The following CAPN8 variants were observed in gnomAD, a reference collection of about 807,000 sequenced individuals.
The protein encoded by CAPN8 is calpain-8.
In CAPN8, 87 loss-of-function variants were observed where a neutral mutation model predicts 80.9. The observed-to-expected ratio is 1.07, with a 90% CI of 0.90 to 1.28. The LOEUF is 1.28. CAPN8 is among the 50% of genes most tolerant of loss of function. CAPN8 has a pLI of 0.00. For missense variants in CAPN8, 757 were observed against 702.0 expected, an observed-to-expected ratio of 1.08 and a Z score of -0.89; for synonymous variants, 299 against 273.8, an observed-to-expected ratio of 1.09 and a Z score of -0.91.
rs61823553 is a variant in CAPN8 at position 223,545,289 on chromosome 1, G to A, written c.1775C>T (p.Thr592Met). 0.52 allele frequency: 807,533 copies of A among 1,550,914 alleles called. 213,191 individuals carry two copies. The highest frequency in any genetic ancestry group is 0.59 in the Admixed American group (30,236 of 50,982). ...EMISLLDSNG[T>M]GTLGAVEFKT... ...GAATTCCACCGCCCCCAAAGTGCCC[G>A]TTCCATTGCTCTAGGCACATTAAAG... Residue 592 changes from threonine (T) to methionine (M), a missense_variant, in exon 17 of 21, where the codon ACG becomes ATG. Physicochemically the swap from Thr to Met is moderately conservative, Grantham distance 81 (BLOSUM62 -1). Coordinates refer to ENST00000366872, the MANE Select transcript of CAPN8 (RefSeq NM_001143962.2).
Position 223,558,131 on chromosome 1 carries a change from C to G in CAPN8, c.1572G>C (p.Glu524Asp), listed in dbSNP as rs1656946963. ...TTTGGCATACAAAAAGATTGCATAC[C>G]TCATATGGGTTTCCAGCTACCACAT... Reference protein sequence around the residue: ...IGDVVAGNPYEPHPSEVDQED... With the variant: ...IGDVVAGNPYDPHPSEVDQED... Residue 524 changes from glutamate (E) to aspartate (D), a missense_variant and splice_region_variant, in exon 13 of 21, where the codon GAG (glutamate) becomes GAC (aspartate). Coordinates refer to ENST00000366872, the MANE Select transcript of CAPN8 (RefSeq NM_001143962.2). 5 of 398,456 alleles carry G rather than the reference C, an allele frequency of 1.3e-5. No homozygotes were observed. The highest frequency in any genetic ancestry group is 4.4e-5 in the Admixed American group (1 of 22,722). 24.7% of individuals were successfully genotyped at this position (398,456 alleles called of 1,614,324 possible). A position where few individuals can be genotyped will look rare whatever the true frequency, so the allele number is the denominator to read the frequency against.
rs1010109285 is a variant in CAPN8, at chr1:223,609,236, G to A, written c.1452C>T (p.Tyr484=). 23 of 398,386 alleles carry A rather than the reference G, an allele frequency of 5.8e-5. No homozygotes were observed. The highest frequency in any genetic ancestry group is 4.3e-4 in the African/African-American group (21 of 48,572). The allele number at this position is 398,386 out of a possible 1,614,324, so 24.7% of individuals were successfully genotyped here. The change falls in exon 12 of 21, where the codon TAC becomes TAT. Residue 484 remains tyrosine (Y), a synonymous_variant. Transcript: ENST00000366872. The part of the protein sequence containing the change: ...SGRARLPPGE[Y]LVVPSTFEPF... ...GTTCAAATGTGGATGGCACCACCAG[G>A]TACTCCCCAGGGGGCAGCCGGGCCC...
chr1:223,543,469 T>C (rs1215325589), intron 19 of CAPN8, among the ~76,000 whole-genome samples: 1 of 152,212 alleles, frequency 6.6e-6, no homozygotes, highest in Admixed American at 6.5e-5. Context: ...AATTACTTTA[T>C]CAAGGTCAAA....
chr1:223,626,950 T>A (rs1410535416), intron 5 of CAPN8, 39 bp downstream of exon 5: 6 of 1,537,000 alleles, frequency 3.9e-6, no homozygotes, highest in Non-Finnish European at 5.3e-6. Flanking sequence ...GGGGTGGCGG[T>A]GGGGGGAGGT....
chr1:223,552,204 A>G (rs966447028), intron 14 of CAPN8, among the ~76,000 whole-genome samples: 7 of 152,186 alleles, frequency 4.6e-5, no homozygotes, highest in African/African-American at 1.4e-4. Context: ...AGCTGCACAA[A>G]GCAGTGTCTC....
chr1:223,619,394 G>A lies in CAPN8; in HGVS notation c.1034C>T (p.Pro345Leu), dbSNP rs1259630222. The A allele has an allele frequency of 1.2e-5, 18 of 1,551,506 alleles. No homozygotes were observed. The South Asian group carries it at 1.3e-4, about 11-fold the overall frequency. Residue 345 changes from proline (P) to leucine (L), a missense_variant, in exon 9 of 21, where the codon CCG becomes CTG. By Grantham distance (98) the Pro-to-Leu change is moderately conservative (BLOSUM62 -3). Transcript: ENST00000366872. ...CACCTCCTCGCTACTCAGAGAGTCC[G>A]GGGACAGGTTGCAGATCTCCAACCG... ...FSRLEICNLS[P>L]DSLSSEEVHK...
At chr1:223,648,928 C>T (rs1167840026) in intron 2 of CAPN8, among the ~76,000 whole-genome samples, 1 of 152,004 alleles carries the variant, frequency 6.6e-6, no homozygotes, top group African/African-American at 2.4e-5. Context: ...CTTATCAAAC[C>T]CTTAAGGTAA....
intron 13 of CAPN8, among the ~76,000 whole-genome samples, chr1:223,554,311 C>T (rs1656859748): frequency 6.6e-6 from 1 of 152,178 alleles, no homozygotes; most frequent in African/African-American, 2.4e-5. Context: ...TGCGTGAAAA[C>T]ATGGGGTCAT....
At chr1:223,662,818 G>A (rs1661006866) in intron 1 of CAPN8, among the ~76,000 whole-genome samples, 1 of 152,198 alleles carries the variant, frequency 6.6e-6, no homozygotes, top group Non-Finnish European at 1.5e-5. Flanking sequence ...TTAGGATCAG[G>A]CTAATTTTCT....
rs1200076626 is a variant in CAPN8 at position 223,656,046 on chromosome 1, G to T, written c.238-1647C>A. Among the ~76,000 whole-genome samples the T allele has an allele frequency of 3.3e-5, 5 of 152,140 alleles. No homozygotes were observed. In the East Asian group the frequency reaches 9.6e-4, roughly 29 times the overall value. ...GGGTCTGGATGAAGCTGGCAGTGGG[G>T]ATTCTGGGATTCTGCTGTGTGAGGT... On this transcript the variant is annotated intron_variant, in intron 1 of 20. Transcript: ENST00000366872.
chr1:223,637,361 G>C (rs993037853), intron 2 of CAPN8, among the ~76,000 whole-genome samples: 9 of 152,042 alleles, frequency 5.9e-5, no homozygotes, highest in Non-Finnish European at 1.3e-4. Flanking sequence ...TACCAGCCCT[G>C]GTAACGCCTG....
Position 223,553,079 on chromosome 1 carries a change from C to T in CAPN8, c.1641+753G>A, listed in dbSNP as rs938403533. 0.01 allele frequency among the ~76,000 whole-genome samples: 1,482 copies of T among 145,950 alleles called. 101 individuals carry two copies. The East Asian group carries it at 0.16, about 16-fold the overall frequency. Reference sequence around the variant, plus strand: ...GTCTAGAAAGTCACCCTGAGTTTCCCGGGGTGGTGGGGGGAGACCATTGTT... The same window carrying T: ...GTCTAGAAAGTCACCCTGAGTTTCCTGGGGTGGTGGGGGGAGACCATTGTT... On this transcript the variant is annotated intron_variant, in intron 14 of 20. Transcript: ENST00000366872.
chr1:223,629,027 T>C (rs538860163), intron 2 of CAPN8: 7 of 490,764 alleles, frequency 1.4e-5, no homozygotes, highest in African/African-American at 3.9e-5. Context: ...CACATGCTGA[T>C]CATTTCCCCA....
rs573198145 is a variant in CAPN8, at chr1:223,665,363, G to A, written c.237+47C>T. The A allele has an allele frequency of 1.4e-5, 20 of 1,462,804 alleles. No individual in the cohort carries two copies. In the East Asian group the frequency reaches 3.7e-4, roughly 27 times the overall value. The allele number at this position is 1,462,804 out of a possible 1,614,324, so 90.6% of individuals were successfully genotyped here. A position where few individuals can be genotyped will look rare whatever the true frequency, so the allele number is the denominator to read the frequency against. ...CTCAGTTCCTCCTGATCAGATGTAA[G>A]GCCCCTCCACCTTGTATGTCACTCA... On this transcript the variant is annotated intron_variant, in intron 1 of 20. Coordinates refer to ENST00000366872, the MANE Select transcript of CAPN8 (RefSeq NM_001143962.2).
chr1:223,544,907 C>A, intron 17 of CAPN8, 57 bp from the exon 18 acceptor site: 1 of 1,549,718 alleles, frequency 6.5e-7, no homozygotes, highest in East Asian at 2.4e-5. Context: ...CCTGCCAGAA[C>A]CATCTCCCTC....
At chr1:223,626,003 G>C (rs952757104) in intron 5 of CAPN8, 115 bp from the exon 6 acceptor site, 4 of 750,982 alleles carry the variant, frequency 5.3e-6, no homozygotes, top group Non-Finnish European at 6.9e-6. Flanking sequence ...GTGGGACTAG[G>C]GGTGTAGGCA....
At chr1:223,626,343 G>C (rs943576146) in intron 5 of CAPN8, among the ~76,000 whole-genome samples, 1 of 152,030 alleles carries the variant, frequency 6.6e-6, no homozygotes, top group Non-Finnish European at 1.5e-5. Context: ...TCTCCTGCTG[G>C]GGTTTGCAGA....
intron 2 of CAPN8, among the ~76,000 whole-genome samples, chr1:223,638,300 T>C (rs1180320237): frequency 6.6e-6 from 1 of 152,140 alleles, no homozygotes; most frequent in South Asian, 2.1e-4. Context: ...TCTGTGGATT[T>C]TGGTATTCCT....
At chr1:223,648,379 T>C (rs1056413961) in intron 2 of CAPN8, among the ~76,000 whole-genome samples, 1 of 152,220 alleles carries the variant, frequency 6.6e-6, no homozygotes, top group Non-Finnish European at 1.5e-5. Flanking sequence ...TGGCCCTTTA[T>C]GTTCCCTGAG....
Sources: gnomAD v4.1 joint callset for allele counts (sites outside exome capture counted in the v4.1 genomes callset) on GRCh38, gnomAD v4.1.1 for gene constraint, MANE v1.5 for transcripts, NCBI Gene and HGNC (gene_info 2026-07-23, HGNC 2026-07-21) for gene names.